Variants in PDE1A observed in about 807,000 individuals in gnomAD.
PDE1A encodes dual specificity calcium/calmodulin-dependent 3',5'-cyclic nucleotide phosphodiesterase 1A.
Under a neutral mutation model 61.7 loss-of-function variants are expected in PDE1A, and 35 were observed. The ratio of observed to expected loss-of-function variants is 0.57; its 90% CI spans 0.43 to 0.75. The LOEUF is 0.75. Ranked by LOEUF, PDE1A falls within the 30% of genes least tolerant of loss-of-function variation. The pLI is 0.00. For missense variants in PDE1A, 597 were observed against 630.6 expected (o/e 0.95, Z 0.57); for synonymous variants, 232 against 213.2 (o/e 1.09, Z -0.77).
the PDE1A span, among the ~76,000 whole-genome samples, chr2:182,632,172 T>A: frequency 6.6e-6 from 1 of 152,108 alleles, no homozygotes. Context: ...AGAGAGATTT[T>A]TTCCAAACAT....
chr2:182,288,969 A>T (rs1367003088), intron 1 of PDE1A, among the ~76,000 whole-genome samples: 1 of 151,910 alleles, frequency 6.6e-6, no homozygotes, highest in Non-Finnish European at 1.5e-5. Flanking sequence ...TGCCATTAGG[A>T]GCAGTCAGGA....
At chr2:182,698,532 T>C in the PDE1A span, among the ~76,000 whole-genome samples, 2 of 152,310 alleles carry the variant, frequency 1.3e-5, no homozygotes, top group African/African-American at 4.8e-5. Context: ...TTAAACATGC[T>C]TATAAAGATT....
At position 182,478,806 on chromosome 2, in the gene PDE1A, T is replaced by A. The variant is rs578235490; in HGVS notation, c.101+43470A>T. ...ATCCCATATTTGGAGGCTAATAGAG[T>A]GAACACTTCACATCTCTCATCATGC... On this transcript the variant is annotated intron_variant, in intron 2 of 14. Coordinates refer to the PDE1A transcript ENST00000410103. Among the ~76,000 whole-genome samples, 7 of 151,980 alleles carry A rather than the reference T, an allele frequency of 4.6e-5. No individual in the cohort carries two copies. The South Asian group carries it at 1.4e-3, about 31-fold the overall frequency.
chr2:182,487,625 ATTGCCTGATAGATCAT>A (rs1340253207), intron 2 of PDE1A, among the ~76,000 whole-genome samples: 1 of 152,158 alleles, frequency 6.6e-6, no homozygotes, highest in Non-Finnish European at 1.5e-5. Flanking sequence ...AGAACTGCAT[ATTGCCTGATAGATCAT>A]TTACCTGTGG....
intron 2 of PDE1A, among the ~76,000 whole-genome samples, chr2:182,504,693 G>T (rs73044439): frequency 6.6e-6 from 1 of 152,148 alleles, no homozygotes; most frequent in Admixed American, 6.5e-5. Flanking sequence ...CTTTTACAGA[G>T]AGGCATCTTC....
chr2:182,201,666 A>G (rs763166348), intron 9 of PDE1A, 22 bp downstream of exon 9: 62 of 1,517,586 alleles, frequency 4.1e-5, no homozygotes, highest in Non-Finnish European at 5.3e-5. Flanking sequence ...AAAAAAAACA[A>G]CAAAAAAAAC....
chr2:182,607,172 A>G, the PDE1A span, among the ~76,000 whole-genome samples: 5 of 152,184 alleles, frequency 3.3e-5, no homozygotes, highest in African/African-American at 1.2e-4. Flanking sequence ...AGATGTGGTG[A>G]TCTGGTAAGT....
chr2:182,406,120 T>C (rs1702282998), intron 1 of PDE1A, among the ~76,000 whole-genome samples: 1 of 152,202 alleles, frequency 6.6e-6, no homozygotes, highest in Admixed American at 6.5e-5. Context: ...TTCTATATAG[T>C]ACTTCATTTT....
chr2:182,707,602 G>T, the PDE1A span, among the ~76,000 whole-genome samples: 6 of 152,168 alleles, frequency 3.9e-5, no homozygotes, highest in African/African-American at 1.4e-4. Context: ...AAATCTGAAT[G>T]GTCCTATATC....
intron 13 of PDE1A, among the ~76,000 whole-genome samples, chr2:182,160,241 C>G (rs1691305211): frequency 6.6e-6 from 1 of 152,020 alleles, no homozygotes; most frequent in Non-Finnish European, 1.5e-5. Context: ...ATGTTTTTGG[C>G]TTTTCTTAGT....
the PDE1A span, among the ~76,000 whole-genome samples, chr2:182,697,687 A>G: frequency 2.6e-5 from 4 of 152,248 alleles, no homozygotes; most frequent in Admixed American, 6.5e-5. Flanking sequence ...AGAGAGGCCT[A>G]CTTTGTCAAC....
At chr2:182,143,630 C>A (rs1160787072), downstream of PDE1A, among the ~76,000 whole-genome samples, 2 of 151,960 alleles carry the variant, frequency 1.3e-5, no homozygotes, top group South Asian at 2.1e-4. Context: ...ATTCTCCTGC[C>A]TCAGCCTCCC....
chr2:182,438,861 G>A (rs1158139977), intron 2 of PDE1A, among the ~76,000 whole-genome samples: 11 of 151,918 alleles, frequency 7.2e-5, no homozygotes, highest in Non-Finnish European at 1.5e-5. Flanking sequence ...TTGCAGTTTT[G>A]GAAGATGTCA....
intron 2 of PDE1A, among the ~76,000 whole-genome samples, chr2:182,254,268 T>G (rs1691613229): frequency 6.6e-6 from 1 of 152,026 alleles, no homozygotes; most frequent in Non-Finnish European, 1.5e-5. Context: ...TTCTAAGTGA[T>G]TTTCACACTC....
chr2:182,234,999 G>A (rs568257492), intron 3 of PDE1A, among the ~76,000 whole-genome samples: 1 of 152,088 alleles, frequency 6.6e-6, no homozygotes, highest in South Asian at 2.1e-4. Flanking sequence ...AATGATATTG[G>A]GGAAATCATA....
At chr2:182,237,016 C>T (rs528017890) in intron 3 of PDE1A, among the ~76,000 whole-genome samples, 1 of 152,056 alleles carries the variant, frequency 6.6e-6, no homozygotes, top group African/African-American at 2.4e-5. Context: ...GAATGAGCAT[C>T]GGAGATATCT....
intron 2 of PDE1A, among the ~76,000 whole-genome samples, chr2:182,500,579 G>C (rs1383800092): frequency 1.3e-5 from 2 of 152,178 alleles, no homozygotes; most frequent in Non-Finnish European, 2.9e-5. Context: ...TTTGGGATAA[G>C]CAGCCTGACA....
chr2:182,447,589 G>T (rs1685229832), intron 2 of PDE1A, among the ~76,000 whole-genome samples: 1 of 151,962 alleles, frequency 6.6e-6, no homozygotes. Context: ...CTTCTATAAG[G>T]CACACATGCC....
the PDE1A span, among the ~76,000 whole-genome samples, chr2:182,627,964 G>GA: frequency 3.0e-3 from 455 of 149,602 alleles, 5 homozygotes; most frequent in Middle Eastern, 0.01. Context: ...AAGAAAGAAA[G>GA]AAAAAAGAAA....
Sources: allele counts gnomAD v4.1 joint callset (sites outside exome capture counted in the v4.1 genomes callset), GRCh38; gene constraint gnomAD v4.1.1; transcripts MANE v1.5; gene names NCBI Gene and HGNC (gene_info 2026-07-23, HGNC 2026-07-21).